The following TOP3B variants were observed in gnomAD, a reference collection of about 807,000 sequenced individuals.
The protein encoded by TOP3B is DNA topoisomerase 3-beta-1.
A neutral mutation model predicts 93.9 loss-of-function variants in TOP3B; 45 were observed. The observed-to-expected ratio is 0.48, with a 90% confidence interval of 0.38 to 0.61. The LOEUF (loss-of-function observed/expected upper bound fraction) is 0.61. Ranked by LOEUF, TOP3B falls within the 20% of genes least tolerant of loss-of-function variation. TOP3B has a pLI of 0.00. For missense variants in TOP3B, 750 were observed against 1,156.1 expected, an observed-to-expected ratio of 0.65 and a Z score of 5.09; for synonymous variants, 357 against 472.6, an observed-to-expected ratio of 0.76 and a Z score of 3.17.
chr22:21,963,699 G>T lies in TOP3B; in HGVS notation c.1204+224C>A. On this transcript the variant is annotated intron_variant, in intron 11 of 17. Coordinates refer to ENST00000357179, the MANE Select transcript of TOP3B (RefSeq NM_001282112.2). This position sits in a 1 kb window ranked among gnomAD's most constrained non-coding sequence, Gnocchi z 4.8. ...TGGTTTCATTCATGTCCCCTGTGGCGTCTGCCCCCTTGCCTCCCTGCAACA... is the reference window on the plus strand; with the variant it reads ...TGGTTTCATTCATGTCCCCTGTGGCTTCTGCCCCCTTGCCTCCCTGCAACA... 1 of 565,322 alleles carries T rather than the reference G, an allele frequency of 1.8e-6. No individual in the cohort carries two copies. The highest frequency in any genetic ancestry group is 2.1e-5 in the South Asian group (1 of 47,514). The allele number at this position is 565,322 out of a possible 1,614,324, so 35.0% of individuals were successfully genotyped here. A position where few individuals can be genotyped will look rare whatever the true frequency, so the allele number is the denominator to read the frequency against.
Position 21,962,969 on chromosome 22 carries a change from C to T in TOP3B, c.1205-76G>A, listed in dbSNP as rs533377575. ...GTGAGGAGCCCCCAGTACTCTCGCTCGAGCAGCAAGCTCCTGCTTACAGAG... is the reference window on the plus strand; with the variant it reads ...GTGAGGAGCCCCCAGTACTCTCGCTTGAGCAGCAAGCTCCTGCTTACAGAG... On this transcript the variant is annotated intron_variant, in intron 11 of 17. Coordinates refer to ENST00000357179, the MANE Select transcript of TOP3B (RefSeq NM_001282112.2). 5.6e-5 allele frequency: 87 copies of T among 1,552,152 alleles called. 1 individual carries two copies. The highest frequency in any genetic ancestry group is 4.8e-4 in the South Asian group (42 of 87,648).
chr22:21,961,946 C>T, intron 13 of TOP3B: 1 of 340,438 alleles, frequency 2.9e-6, no homozygotes, highest in Non-Finnish European at 4.9e-6. Context: ...CCTGGGCTGC[C>T]CATTTTTGCG....
chr22:21,964,023 C>T lies in TOP3B; in HGVS notation c.1104G>A (p.Lys368=). Residue 368 remains lysine, a synonymous_variant, in exon 11 of 18, where the codon AAG becomes AAA. Coordinates refer to ENST00000357179, the MANE Select transcript of TOP3B (RefSeq NM_001282112.2). ...ANHPYWADTV[K]RLLAEGINRP... ...GGTTGATACCTTCTGCTAACAACCG[C>T]TTCACCTGAGGGAGAGAAGACAGAG... 1.2e-6 allele frequency: 2 copies of T among 1,607,084 alleles called. No individual in the cohort carries two copies. The highest frequency in any genetic ancestry group is 1.7e-6 in the Non-Finnish European group (2 of 1,176,532).
rs753337546 is a variant in TOP3B at position 21,962,592 on chromosome 22, C to A, written c.1362G>T (p.Glu454Asp). Residue 454 changes from glutamate (E) to aspartate (D), a missense_variant, in exon 13 of 18, where the codon GAG becomes GAT. This residue lies in a region of TOP3B where 737 missense variants were observed against 933.7 expected (regional missense o/e 0.79). Transcript: ENST00000357179. ...GGGGCACGCTCTGCCAGGGCATGAC[C>A]TCCGTGAAGCCTGGAGAGATATGCG... The part of the protein sequence containing the change: ...GKTVLSPGFT[E>D]VMPWQSVPLE... 4 of 1,612,948 alleles carry A rather than the reference C, an allele frequency of 2.5e-6. No homozygotes were observed. Among genetic ancestry groups the A allele is most frequent in the African/African-American group, 1.3e-5 (1 of 74,920 alleles).
At position 21,960,301 on chromosome 22, in the gene TOP3B, G is replaced by A; in HGVS notation, c.1654+20C>T. On this transcript the variant is annotated intron_variant, in intron 14 of 17. Coordinates refer to ENST00000357179, the MANE Select transcript of TOP3B (RefSeq NM_001282112.2). ...CCAGGGAGCCTCGGTGGGCCCTGGG[G>A]GCAGGACTGAGGAACTCACCAATCT... 6.2e-7 allele frequency: 1 copy of A among 1,613,052 alleles called. No individual in the cohort carries two copies. The highest frequency in any genetic ancestry group is 1.7e-5 in the Admixed American group (1 of 60,002).
Position 21,971,132 on chromosome 22 carries a change from C to A in TOP3B, c.385-726G>T. The A allele has an allele frequency of 9.2e-7, 1 of 1,087,320 alleles. No homozygotes were observed. Among genetic ancestry groups the A allele is most frequent in the Non-Finnish European group, 1.2e-6 (1 of 800,616 alleles). 67.4% of individuals were successfully genotyped at this position (1,087,320 alleles called of 1,614,324 possible). A position where few individuals can be genotyped will look rare whatever the true frequency, so the allele number is the denominator to read the frequency against. ...GATGCAAAGGCCCCCAGGGAGGAGCCGCCCTGCAGGGGAGGAGAGGGTATC... is the reference window on the plus strand; with the variant it reads ...GATGCAAAGGCCCCCAGGGAGGAGCAGCCCTGCAGGGGAGGAGAGGGTATC... On this transcript the variant is annotated intron_variant, in intron 5 of 17. Coordinates refer to ENST00000357179, the MANE Select transcript of TOP3B (RefSeq NM_001282112.2). This position sits in a 1 kb window ranked among gnomAD's most constrained non-coding sequence, Gnocchi z 4.6.
In TOP3B at chr22:21,971,075, G is replaced by A. The variant is rs752048412; in HGVS notation, c.385-669C>T. 81 of 1,302,094 alleles carry A rather than the reference G, an allele frequency of 6.2e-5. 1 individual carries two copies. Among genetic ancestry groups the A allele is most frequent in the Admixed American group, 1.8e-4 (8 of 43,390 alleles). 80.7% of individuals were successfully genotyped at this position (1,302,094 alleles called of 1,614,324 possible). A position where few individuals can be genotyped will look rare whatever the true frequency, so the allele number is the denominator to read the frequency against. ...GTGGCTTCATTTCTGAAGGGAGAAA[G>A]CCCCATGAGCTGCCCCCATTCTCCA... On this transcript the variant is annotated intron_variant, in intron 5 of 17. Transcript: ENST00000357179. This position sits in a 1 kb window ranked among gnomAD's most constrained non-coding sequence, Gnocchi z 4.6.
chr22:21,960,756 T>C (rs2145832173), intron 13 of TOP3B: 1 of 346,618 alleles, frequency 2.9e-6, no homozygotes, highest in Admixed American at 3.9e-5. Flanking sequence ...ATTCTGCGCC[T>C]GGAAAATGTG....
intron 9 of TOP3B, chr22:21,964,559 G>C: frequency 1.8e-6 from 1 of 562,086 alleles, no homozygotes; most frequent in Admixed American, 3.1e-5. Context: ...GGCCTGATGG[G>C]AAACGCCACT....
chr22:21,964,072 T>C (rs1164715472), intron 10 of TOP3B, 44 bp from the exon 11 acceptor site: 5 of 1,602,098 alleles, frequency 3.1e-6, no homozygotes, highest in Non-Finnish European at 4.3e-6. Context: ...TGGGCTCGGC[T>C]GCCTGCCTGG....
Position 21,970,460 on chromosome 22 carries a change from T to TC in TOP3B, c.385-55dup. ...CCACCTCCCAGATCCCTGCCACAGC[T>TC]CCCCACCCCACTGTGAAGCCTGGTT... On this transcript the variant is annotated intron_variant, in intron 5 of 17. Transcript: ENST00000357179. The surrounding 1 kb of genome is among the most constrained non-coding windows in gnomAD (Gnocchi z 4.4). 6.4e-7 allele frequency: 1 copy of TC among 1,574,158 alleles called. No individual in the cohort carries two copies. Among genetic ancestry groups the TC allele is most frequent in the Non-Finnish European group, 8.7e-7 (1 of 1,154,314 alleles).
At chr22:21,967,375 G>C in intron 8 of TOP3B, 1 of 537,902 alleles carries the variant, frequency 1.9e-6, no homozygotes, top group Non-Finnish European at 3.4e-6. Flanking sequence ...GGTGTGGACA[G>C]TGCCTGGTAT....
chr22:21,980,080 G>C (rs1207074072), intron 1 of TOP3B, among the ~76,000 whole-genome samples: 6 of 152,086 alleles, frequency 3.9e-5, no homozygotes, highest in Admixed American at 2.0e-4. Context: ...AGCTGGGCAT[G>C]TAACGGTGTG....
intron 8 of TOP3B, chr22:21,966,584 G>C (rs1428919680): frequency 6.6e-6 from 1 of 152,234 alleles, no homozygotes; most frequent in Non-Finnish European, 1.5e-5. Flanking sequence ...CACCATGCAG[G>C]TTAGTGGAGT....
At chr22:21,980,560 T>A (rs1028752448) in intron 1 of TOP3B, among the ~76,000 whole-genome samples, 3 of 152,180 alleles carry the variant, frequency 2.0e-5, no homozygotes, top group African/African-American at 7.2e-5. Context: ...CAATTTGCTT[T>A]TTTCCTCAAA....
At chr22:21,962,264 G>A (rs778738340) in intron 13 of TOP3B, 165 bp downstream of exon 13, 1 of 1,580,662 alleles carries the variant, frequency 6.3e-7, no homozygotes, top group Non-Finnish European at 8.5e-7. Flanking sequence ...TGCCCGCTGT[G>A]GACCTGCCTG....
At chr22:21,975,474 G>T in intron 2 of TOP3B, 166 bp downstream of exon 2, 1 of 672,634 alleles carries the variant, frequency 1.5e-6, no homozygotes, top group Non-Finnish European at 2.2e-6. Context: ...ACATTGCCAG[G>T]AGTGGAAGCA....
In TOP3B at chr22:21,964,546, A is replaced by G. The variant is rs2071338901; in HGVS notation, c.944-231T>C. ...CGTAAGGCTGAATCCTACACCCAGG[A>G]TGGGCCTGATGGGAAACGCCACTCA... is the stretch of plus-strand genomic sequence containing the variant. On this transcript the variant is annotated intron_variant, in intron 9 of 17. Coordinates refer to ENST00000357179, the MANE Select transcript of TOP3B (RefSeq NM_001282112.2). 5.2e-6 allele frequency: 3 copies of G among 572,786 alleles called. No homozygotes were observed. The East Asian group carries it at 8.8e-5, about 17-fold the overall frequency. The allele number at this position is 572,786 out of a possible 1,614,324, so 35.5% of individuals were successfully genotyped here.
intron 1 of TOP3B, among the ~76,000 whole-genome samples, chr22:21,980,168 A>G (rs2084598740): frequency 6.6e-6 from 1 of 152,132 alleles, no homozygotes; most frequent in Non-Finnish European, 1.5e-5. Context: ...ATATGTCTGG[A>G]TGGAACGCAA....
Sources: allele counts gnomAD v4.1 joint callset (sites outside exome capture counted in the v4.1 genomes callset), GRCh38; gene constraint gnomAD v4.1.1; regional missense constraint gnomAD v4.1.1; non-coding constraint Gnocchi (gnomAD v3.1); transcripts MANE v1.5; gene names NCBI Gene and HGNC (gene_info 2026-07-23, HGNC 2026-07-21).